GALK2: variants seen among roughly 807,000 people sequenced by gnomAD.
GALK2 encodes the protein galactokinase 2.
Under a neutral mutation model 52.4 loss-of-function variants are expected in GALK2, and 36 were observed. The ratio of observed to expected loss-of-function variants is 0.69; its 90% confidence interval spans 0.53 to 0.91. GALK2 has a LOEUF of 0.91. Ranked by LOEUF, GALK2 falls within the 40% of genes least tolerant of loss-of-function variation. The pLI, the probability that GALK2 is intolerant of heterozygous loss-of-function variation, is 0.00. For missense variants in GALK2, 579 were observed against 559.1 expected (o/e 1.04, Z -0.36); for synonymous variants, 176 against 199.1 (o/e 0.88, Z 0.98).
chr15:49,313,370 G>C (rs2036151117), intron 8 of GALK2, among the ~76,000 whole-genome samples: 1 of 152,220 alleles, frequency 6.6e-6, no homozygotes, highest in South Asian at 2.1e-4. Context: ...TAGCTTTCTA[G>C]AGAGCCAGAT....
chr15:49,329,006 A>G lies in GALK2; in HGVS notation c.*847A>G, dbSNP rs988768702. 9.8e-7 allele frequency: 1 copy of G among 1,015,354 alleles called. No individual in the cohort carries two copies. The highest frequency in any genetic ancestry group is 1.2e-6 in the Non-Finnish European group (1 of 850,220). 62.9% of individuals were successfully genotyped at this position (1,015,354 alleles called of 1,614,324 possible). On this transcript the variant is annotated 3_prime_UTR_variant, in exon 10 of 10. Transcript: ENST00000560031. ...GATAATTCAGTTTGTTCATAGAATT[A>G]CTTTCTTATCACTCTTTTTCTACTA...
intron 9 of GALK2, among the ~76,000 whole-genome samples, chr15:49,320,221 G>A (rs2036769578): frequency 6.6e-6 from 1 of 152,144 alleles, no homozygotes; most frequent in Non-Finnish European, 1.5e-5. Context: ...CTCAGAAGAA[G>A]GGAGAAAACT....
chr15:49,156,693 A>G (rs1190266881), intron 1 of GALK2: 6 of 521,920 alleles, frequency 1.1e-5, no homozygotes, highest in African/African-American at 1.9e-5. Flanking sequence ...ACACTTTTCA[A>G]TAATCATAAA....
chr15:49,178,338 TG>T (rs2085680187), intron 1 of GALK2: 2 of 143,964 alleles, frequency 1.4e-5, no homozygotes, highest in Non-Finnish European at 3.0e-5. Context: ...CATATATACA[TG>T]ATGTACATGT....
At chr15:49,189,296 A>G (rs763827206) in intron 1 of GALK2, among the ~76,000 whole-genome samples, 1 of 152,228 alleles carries the variant, frequency 6.6e-6, no homozygotes, top group African/African-American at 2.4e-5. Context: ...ATCGTAGCAT[A>G]ATGATTAAAA....
chr15:49,365,280 C>G lies in GALK2; in HGVS notation c.427-2211C>G, dbSNP rs1233634392. On this transcript the variant is annotated intron_variant, in intron 3 of 3. Transcript: ENST00000558399. ...GAGGCAATAATAAGTGTGCAAGTTA[C>G]TAAATAGAGGAGAGCAGGTTGCCCC... 1.3e-5 allele frequency: 19 copies of G among 1,478,568 alleles called. No homozygotes were observed. In the East Asian group the frequency reaches 1.8e-4, roughly 14 times the overall value. The allele number at this position is 1,478,568 out of a possible 1,614,324, so 91.6% of individuals were successfully genotyped here.
intron 3 of GALK2, among the ~76,000 whole-genome samples, chr15:49,345,676 T>C (rs1263332388): frequency 6.6e-6 from 1 of 152,206 alleles, no homozygotes; most frequent in Non-Finnish European, 1.5e-5. Context: ...AATGGAAGAT[T>C]CACTTGGGGA....
chr15:49,230,910 G>C (rs1219988998), intron 3 of GALK2, among the ~76,000 whole-genome samples: 1 of 152,202 alleles, frequency 6.6e-6, no homozygotes, highest in Non-Finnish European at 1.5e-5. Context: ...GTGGGAAAAT[G>C]AGTGGTTTTG....
rs530428436 is a variant in GALK2, at chr15:49,228,303, G to A, written c.267-7548G>A. On this transcript the variant is annotated intron_variant, in intron 3 of 9. Coordinates refer to ENST00000560031, the MANE Select transcript of GALK2 (RefSeq NM_002044.4). Reference sequence around the variant, plus strand: ...AAGTTTTCAGCTATTATTTTGTTAAGTAGGTTTTCTATCCTTTTGGTTTTC... The same window carrying A: ...AAGTTTTCAGCTATTATTTTGTTAAATAGGTTTTCTATCCTTTTGGTTTTC... Among the ~76,000 whole-genome samples the A allele has an allele frequency of 2.6e-5, 4 of 152,144 alleles. No homozygotes were observed. The South Asian group carries it at 6.2e-4, about 24-fold the overall frequency.
rs2038093561 is a variant in GALK2 at position 49,329,120 on chromosome 15, C to T, written c.*961C>T. The T allele has an allele frequency of 6.0e-6, 6 of 993,038 alleles. No homozygotes were observed. The highest frequency in any genetic ancestry group is 6.0e-6 in the Non-Finnish European group (5 of 834,388). The allele number at this position is 993,038 out of a possible 1,614,324, so 61.5% of individuals were successfully genotyped here. ...TCCCTTTTTTGCTTGTCTAGCAAAG[C>T]TTGTTTGTATATATGCACCCCATTG... is the stretch of plus-strand genomic sequence containing the variant. On this transcript the variant is annotated 3_prime_UTR_variant, in exon 10 of 10. Coordinates refer to ENST00000560031, the MANE Select transcript of GALK2 (RefSeq NM_002044.4).
chr15:49,294,151 A>ATAAATAAG (rs1161375638), intron 8 of GALK2, among the ~76,000 whole-genome samples: 21 of 144,512 alleles, frequency 1.5e-4, no homozygotes, highest in African/African-American at 5.7e-4. Context: ...AAATAAATAA[A>ATAAATAAG]TAAATAAATA....
intron 8 of GALK2, among the ~76,000 whole-genome samples, chr15:49,294,135 T>C (rs901140945): frequency 8.0e-4 from 100 of 124,948 alleles, no homozygotes; most frequent in African/African-American, 2.6e-3. Context: ...AATAAGACCC[T>C]GTCTCAAATA....
intron 5 of GALK2, among the ~76,000 whole-genome samples, chr15:49,264,399 G>C (rs1461445079): frequency 6.6e-6 from 1 of 151,954 alleles, no homozygotes; most frequent in African/African-American, 2.4e-5. Flanking sequence ...CGTAGTTCTC[G>C]AGCCTTGGCT....
chr15:49,156,080 GA>G, intron 1 of GALK2: 1 of 1,517,566 alleles, frequency 6.6e-7, no homozygotes, highest in African/African-American at 1.4e-5. Context: ...GTGTTCCTAA[GA>G]TACTTGGAGT....
At chr15:49,198,214 G>T (rs1466721019) in intron 1 of GALK2, among the ~76,000 whole-genome samples, 1 of 152,082 alleles carries the variant, frequency 6.6e-6, no homozygotes, top group Non-Finnish European at 1.5e-5. Context: ...TGCTCTTGTT[G>T]CCCAGGCTGG....
chr15:49,345,133 G>C (rs2151257662), intron 3 of GALK2, among the ~76,000 whole-genome samples: 1 of 152,246 alleles, frequency 6.6e-6, no homozygotes, highest in East Asian at 1.9e-4. Context: ...ATTTGTGAGG[G>C]AGGTGATGTA....
chr15:49,269,649 C>T (rs16962238), intron 5 of GALK2, among the ~76,000 whole-genome samples: 9,190 of 152,156 alleles, frequency 0.06, 556 homozygotes, highest in African/African-American at 0.15. Context: ...GAAGTTAAGA[C>T]GCTGCTGTCT....
At chr15:49,277,684 T>A (rs1191696197) in intron 5 of GALK2, among the ~76,000 whole-genome samples, 1 of 149,930 alleles carries the variant, frequency 6.7e-6, no homozygotes, top group African/African-American at 2.5e-5. Context: ...TAGTCCCAGC[T>A]ACTCGGGTGG....
chr15:49,354,226 CTG>C lies in GALK2; in HGVS notation c.427-13261_427-13260del, dbSNP rs562031497. ...AACACTATTTACATGTTTAAAAAGTCTGTGTATGGGGAGGAGCCAAGATGGCC... is the reference window on the plus strand; with the variant it reads ...AACACTATTTACATGTTTAAAAAGTCTGTATGGGGAGGAGCCAAGATGGCC... On this transcript the variant is annotated intron_variant, in intron 3 of 3. Coordinates refer to the GALK2 transcript ENST00000558399. Among the ~76,000 whole-genome samples the C allele has an allele frequency of 1.0e-3, 157 of 152,178 alleles. 1 individual carries two copies. Among genetic ancestry groups the C allele is most frequent in the African/African-American group, 3.8e-3 (156 of 41,540 alleles).
Sources: gnomAD v4.1 joint callset for allele counts (sites outside exome capture counted in the v4.1 genomes callset) on GRCh38, gnomAD v4.1.1 for gene constraint, MANE v1.5 for transcripts, NCBI Gene and HGNC (gene_info 2026-07-23, HGNC 2026-07-21) for gene names.